LRMDA: variants seen among roughly 807,000 people sequenced by gnomAD.
The protein encoded by LRMDA is leucine rich melanocyte differentiation associated.
In LRMDA, 18 loss-of-function variants were observed where a neutral mutation model predicts 29.8. The observed-to-expected ratio is 0.60, with a 90% CI of 0.42 to 0.90. The LOEUF is 0.90. Among genes scored for constraint, LRMDA ranks in the 40% least tolerant of loss-of-function variants. LRMDA has a pLI of 0.00. For synonymous variants in LRMDA, 125 were observed against 109.4 expected, an observed-to-expected ratio of 1.14 and a Z score of -0.89; for missense variants, 273 against 273.9, an observed-to-expected ratio of 1.00 and a Z score of 0.02.
At chr10:76,317,394 T>C (rs1034986647) in intron 5 of LRMDA, among the ~76,000 whole-genome samples, 2 of 152,200 alleles carry the variant, frequency 1.3e-5, no homozygotes, top group African/African-American at 2.4e-5. Context: ...CCTTTTTTCA[T>C]CTCTCCTCAA....
At chr10:76,063,464 G>A in intron 5 of LRMDA, among the ~76,000 whole-genome samples, 1 of 152,062 alleles carries the variant, frequency 6.6e-6, no homozygotes, top group Admixed American at 6.6e-5. Flanking sequence ...TTTTCCACCT[G>A]ATTTTCCCAT....
chr10:76,191,893 G>A (rs1851253644), intron 5 of LRMDA, among the ~76,000 whole-genome samples: 1 of 152,180 alleles, frequency 6.6e-6, no homozygotes, highest in Admixed American at 6.5e-5. Flanking sequence ...AAGGTTCCAG[G>A]ACATCTTCTG....
intron 2 of LRMDA, among the ~76,000 whole-genome samples, chr10:75,531,893 C>T: frequency 6.7e-6 from 1 of 148,214 alleles, no homozygotes; most frequent in South Asian, 2.1e-4. Flanking sequence ...GACCCTGTCT[C>T]TTAAAAAAAA....
chr10:76,266,727 T>G (rs1272350622), intron 5 of LRMDA, among the ~76,000 whole-genome samples: 3 of 152,232 alleles, frequency 2.0e-5, no homozygotes, highest in Non-Finnish European at 4.4e-5. Context: ...AATTAGATTA[T>G]TACTAATTTT....
At chr10:75,466,627 C>T (rs1844653719) in intron 2 of LRMDA, among the ~76,000 whole-genome samples, 1 of 152,156 alleles carries the variant, frequency 6.6e-6, no homozygotes, top group Non-Finnish European at 1.5e-5. Flanking sequence ...GGCTCATTCC[C>T]TCCTGAAGGT....
intron 2 of LRMDA, among the ~76,000 whole-genome samples, chr10:75,599,678 G>A (rs2132090346): frequency 6.6e-6 from 1 of 152,318 alleles, no homozygotes; most frequent in South Asian, 2.1e-4. Context: ...TGATGGAAAT[G>A]TTCTACATCT....
intron 5 of LRMDA, among the ~76,000 whole-genome samples, chr10:76,158,543 C>T (rs766966724): frequency 8.5e-5 from 13 of 152,136 alleles, no homozygotes; most frequent in African/African-American, 1.2e-4. Context: ...TTAAAGAGAA[C>T]GTACTACGAA....
chr10:76,125,580 T>C (rs1015215115), intron 5 of LRMDA, among the ~76,000 whole-genome samples: 2 of 152,298 alleles, frequency 1.3e-5, no homozygotes, highest in African/African-American at 4.8e-5. Context: ...TAAAATTGCC[T>C]ACCATCTGTC....
chr10:75,740,445 T>A (rs1342158890), intron 2 of LRMDA, among the ~76,000 whole-genome samples: 1 of 152,156 alleles, frequency 6.6e-6, no homozygotes, highest in East Asian at 1.9e-4. Flanking sequence ...CAGCCCTGTG[T>A]GATGTCTGGA....
intron 5 of LRMDA, among the ~76,000 whole-genome samples, chr10:76,137,133 T>TA (rs1850110012): frequency 6.6e-6 from 1 of 152,180 alleles, no homozygotes; most frequent in African/African-American, 2.4e-5. Context: ...GACCCTTCCT[T>TA]TAGTTCCTGT....
chr10:75,618,355 A>ACTCTCTCTCTCT (rs753240055), intron 2 of LRMDA, among the ~76,000 whole-genome samples: 16 of 131,876 alleles, frequency 1.2e-4, no homozygotes, highest in African/African-American at 4.8e-4. Flanking sequence ...TCTTTACCAG[A>ACTCTCTCTCTCT]CTCTCTCTCT....
intron 2 of LRMDA, among the ~76,000 whole-genome samples, chr10:75,583,810 C>T (rs961745399): frequency 9.2e-5 from 14 of 152,178 alleles, no homozygotes; most frequent in Admixed American, 5.9e-4. Flanking sequence ...ATTTTACCAC[C>T]TAAACAGTTC....
intron 2 of LRMDA, among the ~76,000 whole-genome samples, chr10:75,994,156 T>A (rs1346847175): frequency 3.3e-5 from 5 of 152,206 alleles, no homozygotes; most frequent in African/African-American, 4.8e-5. Flanking sequence ...GTCCCAGCAA[T>A]ATTTGTATTT....
At position 75,875,799 on chromosome 10, in the gene LRMDA, T is replaced by A. The variant is rs561882414; in HGVS notation, c.132-160209T>A. Among the ~76,000 whole-genome samples the A allele has an allele frequency of 3.9e-5, 6 of 152,264 alleles. No homozygotes were observed. The South Asian group carries it at 1.2e-3, about 32-fold the overall frequency. On this transcript the variant is annotated intron_variant, in intron 2 of 6. Coordinates refer to ENST00000611255, the MANE Select transcript of LRMDA (RefSeq NM_001305581.2). ...TAGTGATTGGACCATGGTGGTAAGA[T>A]ATGAGGCCTGATTGGAAAGCAGTGA...
intron 2 of LRMDA, among the ~76,000 whole-genome samples, chr10:75,507,687 A>G (rs968670808): frequency 2.0e-5 from 3 of 152,196 alleles, no homozygotes; most frequent in African/African-American, 4.8e-5. Flanking sequence ...ACTGGAAAGC[A>G]AACTATTAAT....
At chr10:76,408,260 G>A (rs1841923006) in intron 6 of LRMDA, among the ~76,000 whole-genome samples, 1 of 152,188 alleles carries the variant, frequency 6.6e-6, no homozygotes, top group Admixed American at 6.5e-5. Context: ...GTGGTCAACA[G>A]AGAGCACCAG....
chr10:76,176,869 G>C (rs898659267), intron 5 of LRMDA, among the ~76,000 whole-genome samples: 4 of 152,198 alleles, frequency 2.6e-5, no homozygotes, highest in Non-Finnish European at 4.4e-5. Context: ...ATTGTATCAA[G>C]GTGATGGTAA....
At chr10:76,223,066 C>A (rs938291809) in intron 5 of LRMDA, among the ~76,000 whole-genome samples, 1 of 149,632 alleles carries the variant, frequency 6.7e-6, no homozygotes, top group Non-Finnish European at 1.5e-5. Flanking sequence ...AATTGAACAA[C>A]GAGAACACAT....
chr10:76,232,432 G>C (rs1231417073), intron 5 of LRMDA, among the ~76,000 whole-genome samples: 1 of 152,202 alleles, frequency 6.6e-6, no homozygotes, highest in Non-Finnish European at 1.5e-5. Flanking sequence ...GTGAGATCTA[G>C]AAGTTTTTAT....
Sources: gnomAD v4.1 joint callset for allele counts (sites outside exome capture counted in the v4.1 genomes callset) on GRCh38, gnomAD v4.1.1 for gene constraint, MANE v1.5 for transcripts, NCBI Gene and HGNC (gene_info 2026-07-23, HGNC 2026-07-21) for gene names.